The following PCDHA4 variants were observed in gnomAD, a reference collection of about 807,000 sequenced individuals.
The protein encoded by PCDHA4 is protocadherin alpha-4.
Under a neutral mutation model 61.4 loss-of-function variants are expected in PCDHA4, and 49 were observed. That is an observed-to-expected ratio of 0.80 (90% CI 0.63 to 1.01). The LOEUF is 1.01. Among genes scored for constraint, PCDHA4 ranks in the 50% least tolerant of loss-of-function variants. The pLI is 0.00. For missense variants in PCDHA4, 1,254 were observed against 1,235.8 expected, an observed-to-expected ratio of 1.01 and a Z score of -0.22; for synonymous variants, 590 against 550.3, an observed-to-expected ratio of 1.07 and a Z score of -1.01.
chr5:141,009,634 G>A lies in PCDHA4; in HGVS notation c.2541G>A (p.Glu847=). The change falls in exon 4 of 4, where the codon GAG becomes GAA. Residue 847 remains glutamate (E), a synonymous_variant. Transcript: ENST00000530339. Reference sequence around the variant, plus strand: ...TAATGTTTTGTCTTTCAGAACCAGAGGCAGGAGAAGTGTCCCCTCCAGTCG... The same window carrying A: ...TAATGTTTTGTCTTTCAGAACCAGAAGCAGGAGAAGTGTCCCCTCCAGTCG... The part of the protein sequence containing the change: ...PTVSSATPEP[E]AGEVSPPVGA... The A allele has an allele frequency of 6.2e-7, 1 of 1,613,116 alleles. No individual in the cohort carries two copies. The highest frequency in any genetic ancestry group is 8.5e-7 in the Non-Finnish European group (1 of 1,179,406).
At chr5:140,979,836 T>C (rs1463731318) in intron 2 of PCDHA4, among the ~76,000 whole-genome samples, 2 of 152,216 alleles carry the variant, frequency 1.3e-5, no homozygotes, top group Non-Finnish European at 2.9e-5. Flanking sequence ...GAAGAAATAA[T>C]CTTCAAACTT....
At chr5:140,875,428 C>T (rs782761347) in intron 1 of PCDHA4, 1 of 1,537,796 alleles carries the variant, frequency 6.5e-7, no homozygotes, top group Non-Finnish European at 8.7e-7. Context: ...GGCAAGCGAT[C>T]CCTTAAAACT....
intron 1 of PCDHA4, among the ~76,000 whole-genome samples, chr5:140,901,030 C>G (rs1382384435): frequency 6.6e-6 from 1 of 152,116 alleles, no homozygotes; most frequent in Admixed American, 6.5e-5. Context: ...CTATTCAACT[C>G]TTTTGCCCAT....
chr5:140,951,840 C>T (rs555935634), intron 1 of PCDHA4, among the ~76,000 whole-genome samples: 2 of 152,190 alleles, frequency 1.3e-5, no homozygotes, highest in African/African-American at 4.8e-5. Flanking sequence ...AGCATTAAGC[C>T]AAAAGTCCAA....
intron 1 of PCDHA4, among the ~76,000 whole-genome samples, chr5:140,976,072 T>C (rs1193049661): frequency 6.6e-6 from 1 of 152,250 alleles, no homozygotes; most frequent in South Asian, 2.1e-4. Context: ...TGTCTTACTG[T>C]GTCAGATATA....
At chr5:140,837,793 C>T (rs1775259985) in intron 1 of PCDHA4, among the ~76,000 whole-genome samples, 1 of 151,820 alleles carries the variant, frequency 6.6e-6, no homozygotes, top group Admixed American at 6.6e-5. Flanking sequence ...CCTCCCATCT[C>T]AGCCTCTGGA....
chr5:140,956,433 C>T (rs1260145380), intron 1 of PCDHA4, among the ~76,000 whole-genome samples: 6 of 152,098 alleles, frequency 3.9e-5, no homozygotes, highest in African/African-American at 1.4e-4. Context: ...TTTAGTTCTG[C>T]TTATGTGATG....
Position 140,841,862 on chromosome 5 carries a change from G to C in PCDHA4, c.2385+32290G>C, listed in dbSNP as rs145069696. 3.2e-4 allele frequency: 514 copies of C among 1,613,850 alleles called. 1 individual carries two copies. The highest frequency in any genetic ancestry group is 2.6e-3 in the Middle Eastern group (16 of 6,062). On this transcript the variant is annotated intron_variant, in intron 1 of 3. Transcript: ENST00000530339. ...TAGCTCTCATGATTACTTCATGCTA[G>C]ATGTGAATTCAAAGAACGATGAGAA...
intron 1 of PCDHA4, among the ~76,000 whole-genome samples, chr5:140,959,052 A>C (rs992294371): frequency 3.3e-5 from 5 of 152,078 alleles, no homozygotes; most frequent in Admixed American, 6.6e-5. Context: ...ATAGGAAAAA[A>C]TGCAGTATAT....
rs186179297 is a variant in PCDHA4, at chr5:140,987,139, G to A, written c.2533+4576G>A. Among the ~76,000 whole-genome samples the A allele has an allele frequency of 5.1e-4, 78 of 151,932 alleles. 3 individuals are homozygous for A. The East Asian group carries it at 0.014, about 28-fold the overall frequency. On this transcript the variant is annotated intron_variant, in intron 3 of 3. Transcript: ENST00000530339. The stretch of plus-strand genomic sequence containing the variant: ...TGAGGCAGGAGAATTGCTTGAACTC[G>A]GGAGGTGGAGGTTGCAGTGAGCTGA...
intron 1 of PCDHA4, chr5:140,822,069 G>C (rs2150113403): frequency 4.1e-5 from 66 of 1,614,116 alleles, no homozygotes; most frequent in Admixed American, 6.7e-5. Flanking sequence ...GCCGGCGGAG[G>C]GCGGAGTGCA....
At chr5:140,813,278 A>G (rs1241889350) in intron 1 of PCDHA4, 1 of 152,206 alleles carries the variant, frequency 6.6e-6, no homozygotes, top group African/African-American at 2.4e-5. Flanking sequence ...ACATTCTGAG[A>G]ATTGTATCAT....
chr5:140,945,701 CA>C (rs1563215722), intron 1 of PCDHA4, among the ~76,000 whole-genome samples: 1 of 151,988 alleles, frequency 6.6e-6, no homozygotes, highest in Non-Finnish European at 1.5e-5. Context: ...CACTGATTTG[CA>C]ACAAAAGTAT....
intron 1 of PCDHA4, chr5:140,849,281 T>A: frequency 8.4e-7 from 1 of 1,191,174 alleles, no homozygotes; most frequent in Non-Finnish European, 1.2e-6. Flanking sequence ...CGCTGGTGAT[T>A]CACCCCAATG....
chr5:140,946,806 T>A (rs965284033), intron 1 of PCDHA4, among the ~76,000 whole-genome samples: 20 of 151,184 alleles, frequency 1.3e-4, no homozygotes, highest in African/African-American at 4.6e-4. Context: ...GCAGAGAGTA[T>A]AACAGTGATT....
intron 1 of PCDHA4, chr5:140,841,450 C>G: frequency 6.2e-7 from 1 of 1,612,936 alleles, no homozygotes; most frequent in Non-Finnish European, 8.5e-7. Context: ...AACACGGCAC[C>G]TTCGTGGGCC....
intron 1 of PCDHA4, chr5:140,928,089 T>G: frequency 6.2e-7 from 1 of 1,614,192 alleles, no homozygotes; most frequent in Non-Finnish European, 8.5e-7. Context: ...GCCTGCTGAT[T>G]GATGGGCCCC....
chr5:140,863,393 C>T (rs782189753), intron 1 of PCDHA4: 2 of 924,736 alleles, frequency 2.2e-6, no homozygotes, highest in African/African-American at 1.7e-5. Context: ...TCGTGCATGC[C>T]GGGCAAGCCC....
intron 1 of PCDHA4, among the ~76,000 whole-genome samples, chr5:140,975,537 C>T (rs1554236874): frequency 6.6e-6 from 1 of 152,166 alleles, no homozygotes; most frequent in African/African-American, 2.4e-5. Context: ...ATTCTTAATA[C>T]AGTCCTATTA....
Sources: allele counts gnomAD v4.1 joint callset (sites outside exome capture counted in the v4.1 genomes callset), GRCh38; gene constraint gnomAD v4.1.1; transcripts MANE v1.5; gene names NCBI Gene and HGNC (gene_info 2026-07-23, HGNC 2026-07-21).